ADGRL1: variants seen among roughly 807,000 people sequenced by gnomAD.
The protein encoded by ADGRL1 is CIRL-1.
A neutral mutation model predicts 148.9 loss-of-function variants in ADGRL1; 31 were observed. The observed-to-expected ratio is 0.21, with a 90% CI of 0.16 to 0.28. The LOEUF (loss-of-function observed/expected upper bound fraction) is 0.28. Among genes scored for constraint, ADGRL1 ranks in the 10% least tolerant of loss-of-function variants. ADGRL1 has a pLI of 1.00. For synonymous variants in ADGRL1, 937 were observed against 900.3 expected, an observed-to-expected ratio of 1.04 and a Z score of -0.73; for missense variants, 1,521 against 2,058.8, an observed-to-expected ratio of 0.74 and a Z score of 5.05.
chr19:14,188,542 G>A (rs1396060963), intron 1 of ADGRL1, among the ~76,000 whole-genome samples: 1 of 151,936 alleles, frequency 6.6e-6, no homozygotes, highest in Non-Finnish European at 1.5e-5. Context: ...ATCCTCCCAG[G>A]CCCTCCAGCC....
intron 4 of ADGRL1, among the ~76,000 whole-genome samples, chr19:14,165,845 A>C (rs532308665): frequency 6.6e-6 from 1 of 152,196 alleles, no homozygotes; most frequent in Non-Finnish European, 1.5e-5. Flanking sequence ...TCCACAGACC[A>C]CTGTAATTTC....
intron 1 of ADGRL1, among the ~76,000 whole-genome samples, chr19:14,205,737 C>T (rs1222122718): frequency 2.6e-5 from 4 of 151,416 alleles, no homozygotes; most frequent in Non-Finnish European, 5.9e-5. Flanking sequence ...CCGTCCGCAC[C>T]CCCGCGCCCC....
At position 14,152,073 on chromosome 19, in the gene ADGRL1, AG is replaced by A. The variant is rs1465823755; in HGVS notation, c.3667+59del. 1.1e-5 allele frequency: 16 copies of A among 1,495,594 alleles called. No individual in the cohort carries two copies. Among genetic ancestry groups the A allele is most frequent in the Non-Finnish European group, 1.5e-5 (16 of 1,071,948 alleles). The allele number at this position is 1,495,594 out of a possible 1,614,324, so 92.6% of individuals were successfully genotyped here. On this transcript the variant is annotated intron_variant, in intron 22 of 22. Transcript: ENST00000361434. This position sits in a 1 kb window ranked among gnomAD's most constrained non-coding sequence, Gnocchi z 6.1. Reference sequence around the variant, plus strand: ...CCTCCTTAAGTGAGGCCGTCTGAGAAGGCCACTGTCTGTCCCTCTCCCAGCC... The same window carrying A: ...CCTCCTTAAGTGAGGCCGTCTGAGAAGCCACTGTCTGTCCCTCTCCCAGCC...
chr19:14,156,747 G>A, intron 15 of ADGRL1, 23 bp from the exon 16 acceptor site: 1 of 1,600,710 alleles, frequency 6.2e-7, no homozygotes, highest in Non-Finnish European at 8.5e-7. Context: ...CAGGGCCGGG[G>A]TATAGAGAGA....
chr19:14,162,755 C>A lies in ADGRL1; in HGVS notation c.1046G>T (p.Arg349Leu). ...VDYAFNTNANREEPVSLTFPN... is the reference protein window; with the variant it reads ...VDYAFNTNANLEEPVSLTFPN... ...GAAGGTGAGGCTGACAGGCTCCTCG[C>A]GGTTGGCATTGGTGTTGAAGGCATA... Residue 349 changes from arginine (R) to leucine (L), a missense_variant, in exon 5 of 23, where the codon CGC becomes CTC. By Grantham distance (102) the Arg-to-Leu change is moderately radical (BLOSUM62 -2). Around this residue, in one of 8 missense-constraint regions of ADGRL1, gnomAD observed 270 missense variants for 320.4 expected, o/e 0.84. Coordinates refer to ENST00000361434, the MANE Select transcript of ADGRL1 (RefSeq NM_014921.5). This position sits in a 1 kb window ranked among gnomAD's most constrained non-coding sequence, Gnocchi z 5.4. 1 of 1,614,172 alleles carries A rather than the reference C, an allele frequency of 6.2e-7. No individual in the cohort carries two copies. The highest frequency in any genetic ancestry group is 8.5e-7 in the Non-Finnish European group (1 of 1,180,034).
chr19:14,166,582 AAGAGAG>A (rs3036177), intron 4 of ADGRL1, among the ~76,000 whole-genome samples: 5 of 146,496 alleles, frequency 3.4e-5, no homozygotes, highest in Non-Finnish European at 7.5e-5. Context: ...GAGAGAGAGA[AAGAGAG>A]AGAGAGAGAG....
Position 14,163,042 on chromosome 19 carries a change from C to T in ADGRL1, c.759G>A (p.Ser253=), listed in dbSNP as rs550540814. ...VINTANYHDT[S]PYRWGGKTDI... ...CGGTCTTTCCGCCCCAGCGGTAGGG[C>T]GAGGTGTCATGGTAGTTGGCGGTAT... The change falls in exon 5 of 23, where the codon TCG becomes TCA. Residue 253 remains serine (S), a synonymous_variant. Coordinates refer to ENST00000361434, the MANE Select transcript of ADGRL1 (RefSeq NM_014921.5). 2.6e-5 allele frequency: 42 copies of T among 1,614,100 alleles called. No homozygotes were observed. The highest frequency in any genetic ancestry group is 3.4e-5 in the Non-Finnish European group (40 of 1,180,020).
chr19:14,160,409 A>C lies in ADGRL1; in HGVS notation c.1615-112T>G. 1.9e-6 allele frequency: 2 copies of C among 1,070,328 alleles called. No individual in the cohort carries two copies. The highest frequency in any genetic ancestry group is 2.7e-6 in the Non-Finnish European group (2 of 751,124). The allele number at this position is 1,070,328 out of a possible 1,614,324, so 66.3% of individuals were successfully genotyped here. On this transcript the variant is annotated intron_variant, in intron 7 of 22. Coordinates refer to ENST00000361434, the MANE Select transcript of ADGRL1 (RefSeq NM_014921.5). The surrounding 1 kb of genome is among the most constrained non-coding windows in gnomAD (Gnocchi z 5.9). ...CTCCTATCTCTCTCTCCACTTCCCC[A>C]TCGCCATCTGCCCCTTCCCACCCCA... is the stretch of plus-strand genomic sequence containing the variant.
chr19:14,176,355 A>G (rs1970826682), intron 3 of ADGRL1, among the ~76,000 whole-genome samples: 1 of 152,170 alleles, frequency 6.6e-6, no homozygotes, highest in African/African-American at 2.4e-5. Context: ...TGTCTCAAAA[A>G]TTAAATAACT....
rs764627786 is a variant in ADGRL1 at position 14,155,504 on chromosome 19, G to A, written c.3149C>T (p.Ala1050Val). Residue 1050 changes from alanine (A) to valine (V), a missense_variant, in exon 18 of 23, where the codon GCG becomes GTG. Ala to Val is a moderately conservative substitution (Grantham distance 64). This residue lies in a region of ADGRL1 where 185 missense variants were observed against 251.7 expected (regional missense o/e 0.74). Transcript: ENST00000361434. This position sits in a 1 kb window ranked among gnomAD's most constrained non-coding sequence, Gnocchi z 5.0. ...NIKSWALGAIALLFLLGLTWA... is the reference protein window; with the variant it reads ...NIKSWALGAIVLLFLLGLTWA... ...GGTGAGGCCCAGCAGGAACAGCAGCGCGATGGCCCCCAGCGCCCAGGATCT... is the reference window on the plus strand; with the variant it reads ...GGTGAGGCCCAGCAGGAACAGCAGCACGATGGCCCCCAGCGCCCAGGATCT... The A allele has an allele frequency of 3.8e-5, 61 of 1,613,682 alleles. No individual in the cohort carries two copies. The highest frequency in any genetic ancestry group is 4.8e-5 in the Non-Finnish European group (57 of 1,179,930).
At chr19:14,188,866 C>T (rs1242038390) in intron 1 of ADGRL1, among the ~76,000 whole-genome samples, 11 of 152,110 alleles carry the variant, frequency 7.2e-5, no homozygotes, top group Admixed American at 2.6e-4. Context: ...TTCCACCTCC[C>T]GGGTTCAAGT....
Position 14,149,301 on chromosome 19 carries a change from G to A in ADGRL1, c.*1572C>T, listed in dbSNP as rs985883874. On this transcript the variant is annotated 3_prime_UTR_variant, in exon 23 of 23. Coordinates refer to ENST00000361434, the MANE Select transcript of ADGRL1 (RefSeq NM_014921.5). ...TGGCACCTGGCTTCGTCTTCCCTGC[G>A]GGAAGGTGGAGGATAGGGAAGGTGA... The A allele has an allele frequency of 2.0e-5, 3 of 152,332 alleles. No homozygotes were observed. The highest frequency in any genetic ancestry group is 2.9e-5 in the Non-Finnish European group (2 of 68,122). The allele number at this position is 152,332 out of a possible 1,614,324, so 9.4% of individuals were successfully genotyped here.
intron 1 of ADGRL1, among the ~76,000 whole-genome samples, chr19:14,201,129 C>A (rs1972574587): frequency 6.6e-6 from 1 of 152,032 alleles, no homozygotes; most frequent in Admixed American, 6.6e-5. Flanking sequence ...GTGCCGAAGT[C>A]AGGAGTAATG....
At chr19:14,202,461 C>T (rs1972676028) in intron 1 of ADGRL1, among the ~76,000 whole-genome samples, 1 of 152,026 alleles carries the variant, frequency 6.6e-6, no homozygotes, top group African/African-American at 2.4e-5. Flanking sequence ...CCATGTTGGC[C>T]AGGCTGGTCT....
intron 1 of ADGRL1, among the ~76,000 whole-genome samples, chr19:14,184,643 TTTA>T (rs1194526031): frequency 0.05 from 5,988 of 119,074 alleles, 429 homozygotes; most frequent in African/African-American, 0.12. Flanking sequence ...TATTTATTTA[TTTA>T]TTTTTTTTTC....
At chr19:14,166,627 G>A (rs1014100681) in intron 4 of ADGRL1, among the ~76,000 whole-genome samples, 1 of 152,098 alleles carries the variant, frequency 6.6e-6, no homozygotes, top group African/African-American at 2.4e-5. Flanking sequence ...CCCAGTGGGG[G>A]AGCCGGGGAA....
At position 14,151,579 on chromosome 19, in the gene ADGRL1, T is replaced by G; in HGVS notation, c.3704A>C (p.Asp1235Ala). 1 of 1,608,058 alleles carries G rather than the reference T, an allele frequency of 6.2e-7. No individual in the cohort carries two copies. Residue 1235 changes from aspartate (D) to alanine (A), a missense_variant, in exon 23 of 23, where the codon GAC becomes GCC. Physicochemically the swap from Asp to Ala is moderately radical, Grantham distance 126 (BLOSUM62 -2). Coordinates refer to ENST00000361434, the MANE Select transcript of ADGRL1 (RefSeq NM_014921.5). The part of the protein sequence containing the change: ...PLGGREACGM[D>A]TLPLNGNFNN... ...GAAGTTGCCGTTCAGGGGCAGGGTG[T>G]CCATGCCACAGGCTTCCCGGCCTCC...
At position 14,159,625 on chromosome 19, in the gene ADGRL1, C is replaced by A; in HGVS notation, c.1840-41G>T. On this transcript the variant is annotated intron_variant, in intron 9 of 22. Transcript: ENST00000361434. The surrounding 1 kb of genome is among the most constrained non-coding windows in gnomAD (Gnocchi z 6.0). ...GCATGGTGCTGTGAGCCCCCCAACA[C>A]CCTCTAATTCCTGGGGGTGGGCTCT... The A allele has an allele frequency of 6.3e-7, 1 of 1,593,788 alleles. No individual in the cohort carries two copies. Among genetic ancestry groups the A allele is most frequent in the African/African-American group, 1.3e-5 (1 of 74,654 alleles).
Position 14,178,131 on chromosome 19 carries a change from G to GATA in ADGRL1, c.71-390_71-388dup, listed in dbSNP as rs1450604502. On this transcript the variant is annotated intron_variant, in intron 2 of 22. Transcript: ENST00000361434. ...ACCTGAAAATGTGACATTATTTGGA[G>GATA]ATAAGGTCTTTATAGAGATAAATTC... 2.6e-5 allele frequency among the ~76,000 whole-genome samples: 4 copies of GATA among 152,282 alleles called. No homozygotes were observed. The East Asian group carries it at 7.7e-4, about 29-fold the overall frequency.
Sources: gnomAD v4.1 joint callset for allele counts (sites outside exome capture counted in the v4.1 genomes callset) on GRCh38, gnomAD v4.1.1 for gene constraint, gnomAD v4.1.1 regional missense constraint, Gnocchi (gnomAD v3.1) non-coding constraint, MANE v1.5 for transcripts, NCBI Gene and HGNC (gene_info 2026-07-23, HGNC 2026-07-21) for gene names.